NEGR1: variants seen among roughly 807,000 people sequenced by gnomAD.
NEGR1 encodes the protein neuronal growth regulator 1, also known as IgLON family member 4.
Under a neutral mutation model 40.9 loss-of-function variants are expected in NEGR1, and 10 were observed. That is an observed-to-expected ratio of 0.24 (90% confidence interval 0.15 to 0.42). The LOEUF is 0.42. Ranked by LOEUF, NEGR1 falls within the 10% of genes least tolerant of loss-of-function variation. The pLI is 1.00. For synonymous variants in NEGR1, 185 were observed against 166.8 expected, an observed-to-expected ratio of 1.11 and a Z score of -0.84; for missense variants, 352 against 438.9, an observed-to-expected ratio of 0.80 and a Z score of 1.77.
intron 1 of NEGR1, among the ~76,000 whole-genome samples, chr1:72,222,446 C>T (rs976707223): frequency 1.3e-5 from 2 of 152,086 alleles, no homozygotes; most frequent in Non-Finnish European, 2.9e-5. Context: ...AACAGCTAGT[C>T]ACAAAGATTA....
intron 3 of NEGR1, among the ~76,000 whole-genome samples, chr1:71,742,333 C>A (rs1306804420): frequency 2.0e-5 from 3 of 152,056 alleles, no homozygotes; most frequent in Non-Finnish European, 2.9e-5. Context: ...TGACCCTCAC[C>A]TAGAAAATCT....
At chr1:72,193,882 A>G (rs532103265) in intron 1 of NEGR1, among the ~76,000 whole-genome samples, 1 of 151,828 alleles carries the variant, frequency 6.6e-6, no homozygotes, top group South Asian at 2.1e-4. Flanking sequence ...ACTTAGCCCT[A>G]TAGATTAACC....
intron 6 of NEGR1, among the ~76,000 whole-genome samples, chr1:71,479,773 TG>T (rs1646843035): frequency 1.3e-5 from 2 of 152,034 alleles, no homozygotes; most frequent in African/African-American, 4.8e-5. Flanking sequence ...TCAGAGCTTC[TG>T]GTTTGTAGGG....
intron 2 of NEGR1, among the ~76,000 whole-genome samples, chr1:71,778,915 A>G (rs1416271640): frequency 6.6e-6 from 1 of 152,218 alleles, no homozygotes; most frequent in Admixed American, 6.5e-5. Context: ...TAAGTCCCTT[A>G]GAAATAAACT....
chr1:71,787,071 C>T (rs1171522483), intron 2 of NEGR1, among the ~76,000 whole-genome samples: 1 of 152,114 alleles, frequency 6.6e-6, no homozygotes, highest in African/African-American at 2.4e-5. Context: ...TCATCTAAGC[C>T]CTGACTGCCT....
intron 1 of NEGR1, among the ~76,000 whole-genome samples, chr1:72,174,676 A>G (rs761875759): frequency 2.6e-5 from 4 of 152,116 alleles, no homozygotes; most frequent in Non-Finnish European, 5.9e-5. Context: ...AAGATCCCAC[A>G]TTACTCTTTC....
chr1:72,208,102 C>A (rs991963581), intron 1 of NEGR1, among the ~76,000 whole-genome samples: 1 of 151,588 alleles, frequency 6.6e-6, no homozygotes, highest in Non-Finnish European at 1.5e-5. Flanking sequence ...ATCCTGTCAT[C>A]TGGGCATATA....
intron 2 of NEGR1, among the ~76,000 whole-genome samples, chr1:71,888,168 G>C (rs1268683701): frequency 6.6e-6 from 1 of 152,000 alleles, no homozygotes; most frequent in Non-Finnish European, 1.5e-5. Flanking sequence ...ACCTATCTCT[G>C]AATAGAAAAA....
chr1:71,572,064 C>T (rs1276818026), intron 6 of NEGR1, among the ~76,000 whole-genome samples: 1 of 152,044 alleles, frequency 6.6e-6, no homozygotes, highest in Non-Finnish European at 1.5e-5. Context: ...TGAGTATTAG[C>T]CTTTGTCTTT....
chr1:71,647,963 T>G (rs993241955), intron 4 of NEGR1, among the ~76,000 whole-genome samples: 3 of 151,828 alleles, frequency 2.0e-5, no homozygotes, highest in African/African-American at 7.3e-5. Flanking sequence ...GCATAAACAG[T>G]AAGGAAAGAA....
At chr1:72,019,354 T>C (rs1294406214) in intron 1 of NEGR1, among the ~76,000 whole-genome samples, 2 of 152,202 alleles carry the variant, frequency 1.3e-5, no homozygotes, top group African/African-American at 4.8e-5. Flanking sequence ...TGCACAATTA[T>C]AAAATGCTCT....
chr1:71,437,208 C>T (rs1394340263), intron 6 of NEGR1, among the ~76,000 whole-genome samples: 1 of 151,544 alleles, frequency 6.6e-6, no homozygotes. Flanking sequence ...TATGAAATAT[C>T]CAGAATAGGC....
chr1:72,167,346 AAGAT>A (rs1252348373), intron 1 of NEGR1, among the ~76,000 whole-genome samples: 3 of 152,146 alleles, frequency 2.0e-5, no homozygotes, highest in Admixed American at 2.0e-4. Flanking sequence ...ATTTATGTAT[AAGAT>A]AGAGATTTTA....
chr1:71,856,316 A>G (rs898371837), intron 2 of NEGR1, among the ~76,000 whole-genome samples: 4 of 152,118 alleles, frequency 2.6e-5, no homozygotes, highest in African/African-American at 9.7e-5. Flanking sequence ...AGGAGGTGCC[A>G]TAAAGGAAAT....
At chr1:72,089,454 T>C (rs753982214) in intron 1 of NEGR1, among the ~76,000 whole-genome samples, 2 of 152,236 alleles carry the variant, frequency 1.3e-5, no homozygotes, top group Non-Finnish European at 2.9e-5. Context: ...AAAGCTTATG[T>C]CATTTCCAAG....
intron 1 of NEGR1, among the ~76,000 whole-genome samples, chr1:72,161,125 T>C (rs1256613027): frequency 6.6e-6 from 1 of 151,126 alleles, no homozygotes; most frequent in Non-Finnish European, 1.5e-5. Context: ...AGAACGCAGC[T>C]CTGAGAGTTC....
At chr1:71,917,555 C>T (rs1661619128) in intron 2 of NEGR1, among the ~76,000 whole-genome samples, 1 of 151,950 alleles carries the variant, frequency 6.6e-6, no homozygotes, top group Non-Finnish European at 1.5e-5. Context: ...CTTTGGGAGG[C>T]GGAGGCGGGC....
chr1:71,735,361 G>A (rs1655011874), intron 3 of NEGR1, among the ~76,000 whole-genome samples: 1 of 152,030 alleles, frequency 6.6e-6, no homozygotes, highest in Non-Finnish European at 1.5e-5. Flanking sequence ...ACCACTAACT[G>A]TAAGCTGTTG....
At chr1:72,117,061 G>A (rs1319773772) in intron 1 of NEGR1, among the ~76,000 whole-genome samples, 1 of 151,664 alleles carries the variant, frequency 6.6e-6, no homozygotes, top group Non-Finnish European at 1.5e-5. Context: ...AAAAGTGATG[G>A]CACTGCAAGC....
Sources: allele counts gnomAD v4.1 joint callset (sites outside exome capture counted in the v4.1 genomes callset), GRCh38; gene constraint gnomAD v4.1.1; transcripts MANE v1.5; gene names NCBI Gene and HGNC (gene_info 2026-07-23, HGNC 2026-07-21).